Variants in NAV2 observed in about 807,000 individuals in gnomAD.
The protein encoded by NAV2 is helicase, APC down-regulated 1.
Under a neutral mutation model 223.2 loss-of-function variants are expected in NAV2, and 54 were observed. The observed-to-expected ratio is 0.24, with a 90% CI of 0.19 to 0.30. The LOEUF is 0.30. Ranked by LOEUF, NAV2 falls within the 10% of genes least tolerant of loss-of-function variation. The probability of loss-of-function intolerance (pLI) is 1.00; values close to 1 mark genes in which losing one functional copy is unlikely to be tolerated. For missense variants in NAV2, 2,806 were observed against 3,147.5 expected, an observed-to-expected ratio of 0.89 and a Z score of 2.60; for synonymous variants, 1,279 against 1,239.3, an observed-to-expected ratio of 1.03 and a Z score of -0.67.
chr11:19,498,858 G>A (rs1453525840), intron 1 of NAV2, among the ~76,000 whole-genome samples: 2 of 152,184 alleles, frequency 1.3e-5, no homozygotes, highest in South Asian at 2.1e-4. Context: ...GATGTACAAA[G>A]CTTTGTTCAG....
intron 1 of NAV2, among the ~76,000 whole-genome samples, chr11:19,738,234 G>T (rs1411457743): frequency 6.6e-6 from 1 of 152,210 alleles, no homozygotes; most frequent in South Asian, 2.1e-4. Context: ...ATGCCCCAGA[G>T]TCGGGTCCCT....
intron 1 of NAV2, chr11:19,505,369 A>G (rs946515387): frequency 3.3e-5 from 5 of 152,250 alleles, no homozygotes; most frequent in African/African-American, 1.2e-4. Flanking sequence ...GACCACTCCC[A>G]GGATTTCTTA....
intron 2 of NAV2, 124 bp from the exon 3 acceptor site, chr11:19,842,747 C>G: frequency 1.3e-6 from 1 of 773,452 alleles, no homozygotes; most frequent in South Asian, 1.6e-5. Flanking sequence ...ATTTCACATG[C>G]CTGCACTGAT....
intron 1 of NAV2, among the ~76,000 whole-genome samples, chr11:19,553,403 A>G (rs996808571): frequency 3.9e-5 from 6 of 152,186 alleles, no homozygotes; most frequent in Non-Finnish European, 8.8e-5. Context: ...TGGAAGGAGT[A>G]AGAGAGATAT....
At chr11:19,423,404 A>G (rs536854026) in intron 1 of NAV2, among the ~76,000 whole-genome samples, 98 of 152,324 alleles carry the variant, frequency 6.4e-4, no homozygotes, top group African/African-American at 2.3e-3. Flanking sequence ...TGCTGGGAGT[A>G]GAGAGATGGG....
intron 1 of NAV2, among the ~76,000 whole-genome samples, chr11:19,801,685 A>G (rs911437975): frequency 1.3e-5 from 2 of 152,192 alleles, no homozygotes; most frequent in Non-Finnish European, 2.9e-5. Flanking sequence ...TTCTGGAGGC[A>G]CAGTGACAAA....
chr11:20,077,460 A>T (rs2059832227), intron 22 of NAV2, 92 bp from the exon 23 acceptor site: 2 of 938,492 alleles, frequency 2.1e-6, no homozygotes, highest in Non-Finnish European at 3.4e-6. Context: ...AGATCAATGG[A>T]CCCACAGGAT....
chr11:19,922,908 T>C (rs2044399097), intron 6 of NAV2, among the ~76,000 whole-genome samples: 1 of 152,194 alleles, frequency 6.6e-6, no homozygotes, highest in Non-Finnish European at 1.5e-5. Context: ...CAGCCACGTC[T>C]CTGTAGTGAG....
chr11:19,599,819 T>C (rs2046306227), intron 1 of NAV2, among the ~76,000 whole-genome samples: 1 of 152,182 alleles, frequency 6.6e-6, no homozygotes, highest in African/African-American at 2.4e-5. Context: ...TTTTTCTAGT[T>C]ACTGGGAACG....
chr11:19,482,694 C>T (rs748600084), intron 1 of NAV2, among the ~76,000 whole-genome samples: 3 of 152,176 alleles, frequency 2.0e-5, no homozygotes, highest in Non-Finnish European at 4.4e-5. Flanking sequence ...TCATCTGGAG[C>T]TGGTCGGATG....
In NAV2 at chr11:19,873,487, G is replaced by A. The variant is rs930046541; in HGVS notation, c.511+4490G>A. Among the ~76,000 whole-genome samples, 15 of 152,220 alleles carry A rather than the reference G, an allele frequency of 9.9e-5. No homozygotes were observed. In the South Asian group the frequency reaches 1.5e-3, roughly 15 times the overall value. On this transcript the variant is annotated intron_variant, in intron 4 of 37. Transcript: ENST00000349880. ...ATGGGGGGAAACCTTGCAGACATTGGATAAACAAAAGTAGGAACATCCTTC... is the reference window on the plus strand; with the variant it reads ...ATGGGGGGAAACCTTGCAGACATTGAATAAACAAAAGTAGGAACATCCTTC...
intron 25 of NAV2, among the ~76,000 whole-genome samples, chr11:20,080,543 T>G (rs1867117): frequency 0.88 from 134,693 of 152,218 alleles, 59,674 homozygotes; most frequent in East Asian, 0.95. Flanking sequence ...AAGTTATTCT[T>G]AAATGGTTTC....
At chr11:19,684,572 GC>G (rs974042947) in intron 1 of NAV2, among the ~76,000 whole-genome samples, 3 of 152,084 alleles carry the variant, frequency 2.0e-5, no homozygotes, top group African/African-American at 7.2e-5. Flanking sequence ...AGCTGCTACT[GC>G]CTCCACCATG....
chr11:19,467,403 C>T (rs565741998), intron 1 of NAV2, among the ~76,000 whole-genome samples: 1 of 152,030 alleles, frequency 6.6e-6, no homozygotes, highest in African/African-American at 2.4e-5. Flanking sequence ...TGATTATTTC[C>T]ATAGAGAAGA....
intron 11 of NAV2, among the ~76,000 whole-genome samples, chr11:19,987,164 G>T (rs1017217711): frequency 1.3e-5 from 2 of 152,150 alleles, no homozygotes; most frequent in African/African-American, 4.8e-5. Context: ...TATCACAGGT[G>T]GTATGTAGTT....
At chr11:19,637,245 T>C (rs146597405) in intron 1 of NAV2, among the ~76,000 whole-genome samples, 25 of 152,246 alleles carry the variant, frequency 1.6e-4, no homozygotes, top group Admixed American at 3.9e-4. Context: ...ACCTGGCCCA[T>C]TGAGTTGAGA....
intron 16 of NAV2, among the ~76,000 whole-genome samples, chr11:20,050,142 C>A (rs1029065361): frequency 1.3e-5 from 2 of 152,146 alleles, no homozygotes; most frequent in Non-Finnish European, 2.9e-5. Flanking sequence ...GACCTTAAAC[C>A]CTGCCACTTG....
At chr11:19,864,547 T>G (rs571903897) in intron 3 of NAV2, among the ~76,000 whole-genome samples, 2 of 152,332 alleles carry the variant, frequency 1.3e-5, no homozygotes, top group East Asian at 3.9e-4. Context: ...CTCTTTCCAG[T>G]TGTTTGGCAT....
chr11:19,942,153 A>G (rs2046457659), intron 8 of NAV2, among the ~76,000 whole-genome samples: 2 of 152,108 alleles, frequency 1.3e-5, no homozygotes, highest in Non-Finnish European at 2.9e-5. Flanking sequence ...TTTCCACTGG[A>G]GCTCGATTGT....
Sources: allele counts gnomAD v4.1 joint callset (sites outside exome capture counted in the v4.1 genomes callset), GRCh38; gene constraint gnomAD v4.1.1; transcripts MANE v1.5; gene names NCBI Gene and HGNC (gene_info 2026-07-23, HGNC 2026-07-21).